The following RAB27B variants were observed in gnomAD, a reference collection of about 807,000 sequenced individuals.
RAB27B encodes the protein RAB27B, member RAS oncogene family.
Under a neutral mutation model 24.6 loss-of-function variants are expected in RAB27B, and 15 were observed. That is an observed-to-expected ratio of 0.61 (90% CI 0.41 to 0.94). The LOEUF is 0.94. Ranked by LOEUF, RAB27B falls within the 40% of genes least tolerant of loss-of-function variation. RAB27B has a pLI of 0.00. For synonymous variants in RAB27B, 105 were observed against 92.5 expected, an observed-to-expected ratio of 1.14 and a Z score of -0.78; for missense variants, 261 against 266.8, an observed-to-expected ratio of 0.98 and a Z score of 0.15.
chr18:54,873,685 CTGTGTGTGTG>C (rs56409312), intron 1 of RAB27B, among the ~76,000 whole-genome samples: 17,137 of 140,774 alleles, frequency 0.12, 1,206 homozygotes, highest in Non-Finnish European at 0.17. Context: ...GAGCCAAATC[CTGTGTGTGTG>C]TGTGTGTGTG....
Position 54,868,066 on chromosome 18 carries a change from T to C in RAB27B, c.-19-9501T>C, listed in dbSNP as rs115494294. ...TTGGGTCACAGGGTTGGTTCCCTCA[T>C]GGCTTGGTGCTGTCTTTGTGACAGT... On this transcript the variant is annotated intron_variant, in intron 1 of 5. Transcript: ENST00000262094. Among the ~76,000 whole-genome samples, 568 of 152,312 alleles carry C rather than the reference T, an allele frequency of 3.7e-3. 2 individuals carry two copies. Among genetic ancestry groups the C allele is most frequent in the African/African-American group, 0.013 (539 of 41,582 alleles).
At chr18:54,725,646 G>A (rs781634519) in intron 2 of RAB27B, among the ~76,000 whole-genome samples, 4 of 151,528 alleles carry the variant, frequency 2.6e-5, no homozygotes, top group East Asian at 1.9e-4. Flanking sequence ...CTCTTCACAC[G>A]GTGGCAGGAG....
intron 2 of RAB27B, among the ~76,000 whole-genome samples, chr18:54,754,727 G>A (rs962777339): frequency 1.3e-5 from 2 of 152,210 alleles, no homozygotes; most frequent in African/African-American, 4.8e-5. Flanking sequence ...ACATTTTAAT[G>A]TGTAAATACA....
At chr18:54,858,098 G>A (rs1003853258) in intron 1 of RAB27B, among the ~76,000 whole-genome samples, 1 of 152,104 alleles carries the variant, frequency 6.6e-6, no homozygotes, top group Non-Finnish European at 1.5e-5. Context: ...ATTCGTCATC[G>A]TGTAAATATG....
upstream of RAB27B, among the ~76,000 whole-genome samples, chr18:54,827,762 C>T (rs1307518497): frequency 6.6e-6 from 1 of 152,266 alleles, no homozygotes; most frequent in East Asian, 1.9e-4. Flanking sequence ...TGTATTCTTA[C>T]CTTTACTACC....
chr18:54,827,174 T>C (rs1380945773), upstream of RAB27B, among the ~76,000 whole-genome samples: 1 of 152,214 alleles, frequency 6.6e-6, no homozygotes, highest in South Asian at 2.1e-4. Context: ...AGGCTGAGCC[T>C]CAAAGACTTT....
intron 2 of RAB27B, among the ~76,000 whole-genome samples, chr18:54,722,485 A>G (rs994070129): frequency 6.6e-6 from 1 of 152,178 alleles, no homozygotes; most frequent in Non-Finnish European, 1.5e-5. Context: ...GACTGTGCTT[A>G]CTGGGCTCAG....
At chr18:54,822,546 T>C (rs982453202) in intron 2 of RAB27B, among the ~76,000 whole-genome samples, 1 of 152,226 alleles carries the variant, frequency 6.6e-6, no homozygotes, top group African/African-American at 2.4e-5. Context: ...TTAAACATTT[T>C]ATATGGATTT....
intron 2 of RAB27B, among the ~76,000 whole-genome samples, chr18:54,810,537 A>T (rs1231645960): frequency 2.0e-5 from 3 of 151,966 alleles, no homozygotes; most frequent in Admixed American, 6.6e-5. Context: ...TGAATGAATT[A>T]AAAAAAATCA....
At chr18:54,785,057 ACATTC>A (rs1180800737) in intron 2 of RAB27B, among the ~76,000 whole-genome samples, 1 of 150,742 alleles carries the variant, frequency 6.6e-6, no homozygotes, top group Non-Finnish European at 1.5e-5. Flanking sequence ...TCAGCCAGTC[ACATTC>A]CTGCCTCAGG....
intron 2 of RAB27B, among the ~76,000 whole-genome samples, chr18:54,751,559 G>A (rs927794023): frequency 1.3e-5 from 2 of 152,074 alleles, no homozygotes; most frequent in Non-Finnish European, 2.9e-5. Flanking sequence ...ACTCTTTTGA[G>A]TTTTATTTTG....
intron 1 of RAB27B, among the ~76,000 whole-genome samples, chr18:54,841,391 A>C (rs967769755): frequency 6.6e-6 from 1 of 152,210 alleles, no homozygotes; most frequent in Admixed American, 6.5e-5. Context: ...AGTTATCTGC[A>C]GATGGTTTAA....
intron 4 of RAB27B, among the ~76,000 whole-genome samples, chr18:54,886,909 C>T (rs933937612): frequency 1.3e-5 from 2 of 152,004 alleles, no homozygotes; most frequent in Admixed American, 1.3e-4. Context: ...TTAGAGCAGC[C>T]TCTGTAACCT....
intron 1 of RAB27B, among the ~76,000 whole-genome samples, chr18:54,834,062 A>G (rs1172453033): frequency 6.6e-6 from 1 of 152,262 alleles, no homozygotes; most frequent in African/African-American, 2.4e-5. Context: ...TCCTACAAAT[A>G]CAAGAACACA....
chr18:54,846,513 C>T (rs890667214), intron 1 of RAB27B, among the ~76,000 whole-genome samples: 5 of 152,078 alleles, frequency 3.3e-5, no homozygotes, highest in Non-Finnish European at 2.9e-5. Flanking sequence ...CAATCAAATA[C>T]GTAAAAGAAG....
chr18:54,769,744 A>T (rs1598891161), intron 2 of RAB27B, among the ~76,000 whole-genome samples: 1 of 152,202 alleles, frequency 6.6e-6, no homozygotes, highest in Non-Finnish European at 1.5e-5. Flanking sequence ...ATATAATGTA[A>T]ATCAGCAGTC....
At chr18:54,846,856 G>A (rs1486689675) in intron 1 of RAB27B, among the ~76,000 whole-genome samples, 1 of 152,072 alleles carries the variant, frequency 6.6e-6, no homozygotes, top group African/African-American at 2.4e-5. Context: ...TTGTTTGTTT[G>A]TTTGTTTGTT....
intron 2 of RAB27B, among the ~76,000 whole-genome samples, chr18:54,790,899 C>A (rs1011731010): frequency 6.6e-6 from 1 of 152,162 alleles, no homozygotes; most frequent in Non-Finnish European, 1.5e-5. Flanking sequence ...ACTTCTTCAA[C>A]TCTTCTATTT....
rs931076128 is a variant in RAB27B, at chr18:54,885,230, G to A, written c.343+794G>A. On this transcript the variant is annotated intron_variant, in intron 4 of 5. Coordinates refer to ENST00000262094, the MANE Select transcript of RAB27B (RefSeq NM_004163.4). ...ATACAAGTAGCAGGACAGCTGAGTCGTCCTATGGGGCTGCTCTTATCATTT... is the reference window on the plus strand; with the variant it reads ...ATACAAGTAGCAGGACAGCTGAGTCATCCTATGGGGCTGCTCTTATCATTT... Among the ~76,000 whole-genome samples, 18 of 152,096 alleles carry A rather than the reference G, an allele frequency of 1.2e-4. 1 individual carries two copies. The South Asian group carries it at 1.5e-3, about 12-fold the overall frequency.
Sources: allele counts gnomAD v4.1 joint callset (sites outside exome capture counted in the v4.1 genomes callset), GRCh38; gene constraint gnomAD v4.1.1; transcripts MANE v1.5; gene names NCBI Gene and HGNC (gene_info 2026-07-23, HGNC 2026-07-21).